Variants in RAB21 observed in about 807,000 individuals in gnomAD.
RAB21 encodes ras-related protein Rab-21.
A neutral mutation model predicts 33.1 loss-of-function variants in RAB21; 13 were observed. That is an observed-to-expected ratio of 0.39 (90% CI 0.26 to 0.62). RAB21 has a LOEUF of 0.62. Among genes scored for constraint, RAB21 ranks in the 20% least tolerant of loss-of-function variants. The pLI is 0.48. For synonymous variants in RAB21, 91 were observed against 103.7 expected (o/e 0.88, Z 0.74); for missense variants, 234 against 279.1 (o/e 0.84, Z 1.15).
intron 1 of RAB21, 147 bp downstream of exon 1, chr12:71,755,435 C>T (rs916543281): frequency 1.9e-5 from 19 of 1,014,372 alleles, no homozygotes; most frequent in African/African-American, 3.5e-5. Context: ...CCGAATTCGC[C>T]CTGGGGAATC....
In RAB21 at chr12:71,793,123, C is replaced by T. The variant is rs1592654417; in HGVS notation, c.*7450C>T. 1 of 152,160 alleles carries T rather than the reference C, an allele frequency of 6.6e-6. No homozygotes were observed. Among genetic ancestry groups the T allele is most frequent in the African/African-American group, 2.4e-5 (1 of 41,440 alleles). 9.4% of individuals were successfully genotyped at this position (152,160 alleles called of 1,614,324 possible). ...GCAGTGAATAAACTGATGCCTCCTG[C>T]TTATTTAGACAGCAGCCATTTTTGT... On this transcript the variant is annotated 3_prime_UTR_variant, in exon 7 of 7. Transcript: ENST00000261263.
chr12:71,757,827 T>C (rs1236530964), intron 1 of RAB21, among the ~76,000 whole-genome samples: 1 of 152,222 alleles, frequency 6.6e-6, no homozygotes, highest in African/African-American at 2.4e-5. Context: ...TTGTATTTTA[T>C]AAAGTACATT....
chr12:71,759,372 T>G (rs1882836515), intron 1 of RAB21, among the ~76,000 whole-genome samples: 1 of 152,200 alleles, frequency 6.6e-6, no homozygotes, highest in Admixed American at 6.5e-5. Context: ...TATTAAAGAC[T>G]ATGAAAGAAA....
At chr12:71,761,883 T>C (rs1882877415) in intron 1 of RAB21, among the ~76,000 whole-genome samples, 2 of 152,170 alleles carry the variant, frequency 1.3e-5, no homozygotes, top group African/African-American at 4.8e-5. Flanking sequence ...ATCATAGTCT[T>C]GGTCTAGGAA....
intron 4 of RAB21, among the ~76,000 whole-genome samples, chr12:71,774,756 TAAA>T (rs34870844): frequency 1.5e-5 from 2 of 133,830 alleles, no homozygotes; most frequent in African/African-American, 2.8e-5. Flanking sequence ...GACTGTGTCT[TAAA>T]AAAAAAAAAA....
In RAB21 at chr12:71,788,534, C is replaced by T. The variant is rs1056684312; in HGVS notation, c.*2861C>T. 1.3e-5 allele frequency: 2 copies of T among 152,006 alleles called. No homozygotes were observed. Among genetic ancestry groups the T allele is most frequent in the African/African-American group, 4.8e-5 (2 of 41,412 alleles). 9.4% of individuals were successfully genotyped at this position (152,006 alleles called of 1,614,324 possible). On this transcript the variant is annotated 3_prime_UTR_variant, in exon 7 of 7. Transcript: ENST00000261263. ...AAGGAAAGACAAAGAGATGATAAAC[C>T]AAGGCTGAGGAAATTTTTCTGATGC...
At chr12:71,764,480 A>G (rs1351346931) in intron 1 of RAB21, among the ~76,000 whole-genome samples, 2 of 152,120 alleles carry the variant, frequency 1.3e-5, no homozygotes, top group Middle Eastern at 3.4e-3. Flanking sequence ...TTTTATTTCA[A>G]TAGTTTTTGG....
chr12:71,757,777 T>C (rs906224690), intron 1 of RAB21, among the ~76,000 whole-genome samples: 2 of 152,202 alleles, frequency 1.3e-5, no homozygotes, highest in Admixed American at 6.5e-5. Context: ...AGAGTTCACC[T>C]TTTTTCTCGT....
At chr12:71,761,027 A>G (rs1416885315) in intron 1 of RAB21, among the ~76,000 whole-genome samples, 2 of 151,590 alleles carry the variant, frequency 1.3e-5, no homozygotes, top group African/African-American at 4.9e-5. Context: ...TAATGTAGCA[A>G]GAGTCCATCT....
chr12:71,764,298 C>G (rs928927506), intron 1 of RAB21, among the ~76,000 whole-genome samples: 11 of 151,996 alleles, frequency 7.2e-5, no homozygotes, highest in East Asian at 1.9e-4. Flanking sequence ...ACTTCTCCCC[C>G]CTCAGTACCA....
At position 71,756,532 on chromosome 12, in the gene RAB21, G is replaced by C. The variant is rs1014829357; in HGVS notation, c.159+1244G>C. On this transcript the variant is annotated intron_variant, in intron 1 of 6. Coordinates refer to ENST00000261263, the MANE Select transcript of RAB21 (RefSeq NM_014999.4). ...GAGTCTAGAATTTACAAGACGCTCT[G>C]GCTCTGATTCCATGTTCTATTTTTA... Among the ~76,000 whole-genome samples, 5 of 152,168 alleles carry C rather than the reference G, an allele frequency of 3.3e-5. No individual in the cohort carries two copies. The East Asian group carries it at 7.7e-4, about 23-fold the overall frequency.
chr12:71,766,400 T>C lies in RAB21; in HGVS notation c.160-3400T>C, dbSNP rs144490433. Among the ~76,000 whole-genome samples the C allele has an allele frequency of 4.2e-3, 646 of 152,176 alleles. 9 individuals are homozygous for C. The highest frequency in any genetic ancestry group is 5.6e-3 in the Non-Finnish European group (378 of 67,960). On this transcript the variant is annotated intron_variant, in intron 1 of 6. Transcript: ENST00000261263. Reference sequence around the variant, plus strand: ...TTACTGTGTGACCTTGGGCAAGATATTTACCCTCCTTATGCCTCATTTTCC... The same window carrying C: ...TTACTGTGTGACCTTGGGCAAGATACTTACCCTCCTTATGCCTCATTTTCC...
intron 4 of RAB21, among the ~76,000 whole-genome samples, chr12:71,778,679 T>G (rs1218984109): frequency 6.6e-6 from 1 of 152,230 alleles, no homozygotes; most frequent in African/African-American, 2.4e-5. Context: ...AACAAGCTAC[T>G]ATTATATGTT....
chr12:71,765,913 A>C (rs1882954009), intron 1 of RAB21, among the ~76,000 whole-genome samples: 1 of 152,082 alleles, frequency 6.6e-6, no homozygotes, highest in African/African-American at 2.4e-5. Flanking sequence ...GTTTTTTAAA[A>C]AGAGTTCTCC....
At chr12:71,783,749 G>A (rs1402197262) in intron 6 of RAB21, among the ~76,000 whole-genome samples, 13 of 152,070 alleles carry the variant, frequency 8.5e-5, no homozygotes, top group Non-Finnish European at 1.8e-4. Context: ...CTTATTAAAT[G>A]CATATTTTGA....
rs1029950761 is a variant in RAB21 at position 71,792,195 on chromosome 12, A to G, written c.*6522A>G. 1 of 152,176 alleles carries G rather than the reference A, an allele frequency of 6.6e-6. No individual in the cohort carries two copies. Among genetic ancestry groups the G allele is most frequent in the Admixed American group, 6.5e-5 (1 of 15,274 alleles). 9.4% of individuals were successfully genotyped at this position (152,176 alleles called of 1,614,324 possible). On this transcript the variant is annotated 3_prime_UTR_variant, in exon 7 of 7. Transcript: ENST00000261263. Reference sequence around the variant, plus strand: ...CCTAGAATCATACTCTTTTAAAGCAAGTTAAATCAGCAGTAATAGTTCTGG... The same window carrying G: ...CCTAGAATCATACTCTTTTAAAGCAGGTTAAATCAGCAGTAATAGTTCTGG...
intron 4 of RAB21, among the ~76,000 whole-genome samples, chr12:71,774,483 G>A (rs1314338543): frequency 1.3e-5 from 2 of 151,634 alleles, no homozygotes; most frequent in African/African-American, 4.8e-5. Context: ...AATAGGCTGG[G>A]CACAGTGGCT....
At chr12:71,756,379 G>T (rs748163589) in intron 1 of RAB21, among the ~76,000 whole-genome samples, 80 of 152,264 alleles carry the variant, frequency 5.3e-4, no homozygotes, top group Non-Finnish European at 9.9e-4. Context: ...TTTAATTACC[G>T]CCCCAACTTG....
intron 4 of RAB21, among the ~76,000 whole-genome samples, chr12:71,777,545 A>C (rs867255305): frequency 3.3e-5 from 5 of 152,198 alleles, no homozygotes; most frequent in Non-Finnish European, 7.3e-5. Flanking sequence ...CTTTGAAATA[A>C]TACTACTACT....
Sources: allele counts gnomAD v4.1 joint callset (sites outside exome capture counted in the v4.1 genomes callset), GRCh38; gene constraint gnomAD v4.1.1; transcripts MANE v1.5; gene names NCBI Gene and HGNC (gene_info 2026-07-23, HGNC 2026-07-21).